Variants in DSCAM observed in about 807,000 individuals in gnomAD.
DSCAM encodes the protein cell adhesion molecule DSCAM.
A neutral mutation model predicts 217.7 loss-of-function variants in DSCAM; 47 were observed. The ratio of observed to expected loss-of-function variants is 0.22; its 90% CI spans 0.17 to 0.28. The LOEUF is 0.28. Among genes scored for constraint, DSCAM ranks in the 10% least tolerant of loss-of-function variants. The probability of loss-of-function intolerance (pLI) is 1.00; values close to 1 mark genes in which losing one functional copy is unlikely to be tolerated. For missense variants in DSCAM, 2,080 were observed against 2,618.3 expected, an observed-to-expected ratio of 0.79 and a Z score of 4.49; for synonymous variants, 1,056 against 1,015.3, an observed-to-expected ratio of 1.04 and a Z score of -0.76.
At chr21:40,671,133 AC>A (rs2090268602) in intron 3 of DSCAM, among the ~76,000 whole-genome samples, 1 of 152,142 alleles carries the variant, frequency 6.6e-6, no homozygotes, top group African/African-American at 2.4e-5. Context: ...ATTTCTCCCA[AC>A]TGTAGTCTTT....
chr21:40,705,738 G>T (rs2090708109), intron 2 of DSCAM, among the ~76,000 whole-genome samples: 1 of 152,134 alleles, frequency 6.6e-6, no homozygotes, highest in Admixed American at 6.5e-5. Context: ...GGGGATTATG[G>T]GGATTATCAT....
intron 30 of DSCAM, among the ~76,000 whole-genome samples, chr21:40,051,527 G>C (rs1322454747): frequency 1.3e-5 from 2 of 152,102 alleles, no homozygotes; most frequent in Admixed American, 6.6e-5. Flanking sequence ...ATTTATCTGA[G>C]GCTGCAGTTT....
chr21:40,374,470 G>C (rs1431727137), intron 3 of DSCAM, among the ~76,000 whole-genome samples: 1 of 152,172 alleles, frequency 6.6e-6, no homozygotes, highest in Admixed American at 6.5e-5. Flanking sequence ...GCCATTTGGA[G>C]CTATTTCACC....
At chr21:40,395,091 G>A (rs1377839086) in intron 3 of DSCAM, among the ~76,000 whole-genome samples, 1 of 152,186 alleles carries the variant, frequency 6.6e-6, no homozygotes, top group East Asian at 1.9e-4. Flanking sequence ...TGGCAAGATT[G>A]TTATGAAAAT....
chr21:40,383,241 AT>A (rs2075045188), intron 3 of DSCAM: 1 of 152,154 alleles, frequency 6.6e-6, no homozygotes, highest in African/African-American at 2.4e-5. Flanking sequence ...GGCAGGAGAA[AT>A]GCTGGAACCC....
chr21:40,736,811 G>A (rs7284050), intron 1 of DSCAM, among the ~76,000 whole-genome samples: 1 of 151,748 alleles, frequency 6.6e-6, no homozygotes, highest in Non-Finnish European at 1.5e-5. Context: ...ATAGCATAGG[G>A]TTTTTTTTGC....
At chr21:40,613,256 G>C (rs2089340685) in intron 3 of DSCAM, among the ~76,000 whole-genome samples, 1 of 152,124 alleles carries the variant, frequency 6.6e-6, no homozygotes, top group South Asian at 2.1e-4. Flanking sequence ...CATTATTAAT[G>C]GCAAATAGGG....
At chr21:40,756,535 G>T (rs1298611367) in intron 1 of DSCAM, among the ~76,000 whole-genome samples, 2 of 151,584 alleles carry the variant, frequency 1.3e-5, no homozygotes, top group African/African-American at 4.8e-5. Flanking sequence ...GGGATTACAG[G>T]CTCCTGCCAC....
intron 3 of DSCAM, among the ~76,000 whole-genome samples, chr21:40,666,343 A>G (rs1029633454): frequency 6.6e-6 from 1 of 152,206 alleles, no homozygotes; most frequent in African/African-American, 2.4e-5. Context: ...GAGTAGTATC[A>G]TCCTCATCAT....
At chr21:40,433,550 G>A (rs2075556016) in intron 3 of DSCAM, among the ~76,000 whole-genome samples, 2 of 152,178 alleles carry the variant, frequency 1.3e-5, no homozygotes, top group African/African-American at 4.8e-5. Flanking sequence ...ACAAAAGCTT[G>A]GAGAGAGTTG....
intron 32 of DSCAM, among the ~76,000 whole-genome samples, chr21:40,020,637 T>C (rs2975106): frequency 0.93 from 141,672 of 152,172 alleles, 66,155 homozygotes; most frequent in African/African-American, 0.98. Flanking sequence ...CTAGCGCTGG[T>C]AGGAGGATCC....
intron 3 of DSCAM, among the ~76,000 whole-genome samples, chr21:40,483,173 G>C (rs779970757): frequency 1.3e-4 from 20 of 152,182 alleles, no homozygotes; most frequent in Non-Finnish European, 2.5e-4. Flanking sequence ...AAACATGCAG[G>C]TGCATCTGCA....
At chr21:40,841,747 C>T (rs1307662433) in intron 1 of DSCAM, among the ~76,000 whole-genome samples, 1 of 152,310 alleles carries the variant, frequency 6.6e-6, no homozygotes, top group Admixed American at 6.5e-5. Context: ...ACCTCCGAGG[C>T]GCGCGCCACG....
At chr21:40,243,493 C>A (rs150772927) in intron 11 of DSCAM, among the ~76,000 whole-genome samples, 135 of 152,182 alleles carry the variant, frequency 8.9e-4, no homozygotes, top group African/African-American at 3.2e-3. Flanking sequence ...ATAATCAGTG[C>A]AAAATGGAAA....
chr21:40,192,918 A>AT (rs1255916430), intron 11 of DSCAM, among the ~76,000 whole-genome samples: 1 of 151,996 alleles, frequency 6.6e-6, no homozygotes, highest in Non-Finnish European at 1.5e-5. Flanking sequence ...AAATGTTTTC[A>AT]TTTTTTTCCA....
chr21:40,614,339 C>T (rs2089358600), intron 3 of DSCAM, among the ~76,000 whole-genome samples: 1 of 151,990 alleles, frequency 6.6e-6, no homozygotes, highest in Admixed American at 6.6e-5. Flanking sequence ...ACAAAAAATA[C>T]CAGTAAGGTT....
At chr21:40,286,529 C>T (rs770744151) in intron 10 of DSCAM, among the ~76,000 whole-genome samples, 8 of 152,182 alleles carry the variant, frequency 5.3e-5, no homozygotes, top group Non-Finnish European at 1.0e-4. Flanking sequence ...AACGTGCTCC[C>T]TATTGAGCTA....
chr21:40,377,648 T>C (rs761769226), intron 3 of DSCAM, among the ~76,000 whole-genome samples: 11 of 151,736 alleles, frequency 7.2e-5, no homozygotes, highest in Non-Finnish European at 1.3e-4. Flanking sequence ...CAAACTATGC[T>C]TGTTGAGGAG....
At chr21:40,234,583 T>C (rs1354626252) in intron 11 of DSCAM, among the ~76,000 whole-genome samples, 1 of 152,200 alleles carries the variant, frequency 6.6e-6, no homozygotes, top group Non-Finnish European at 1.5e-5. Context: ...CTGTCTATTG[T>C]AGCCTCAGCA....
Sources: allele counts gnomAD v4.1 joint callset (sites outside exome capture counted in the v4.1 genomes callset), GRCh38; gene constraint gnomAD v4.1.1; transcripts MANE v1.5; gene names NCBI Gene and HGNC (gene_info 2026-07-23, HGNC 2026-07-21).